SUMF1: variants seen among roughly 807,000 people sequenced by gnomAD.
SUMF1 encodes the protein formylglycine-generating enzyme.
SUMF1 carries 48 observed loss-of-function variants against 47.6 expected under a neutral mutation model. The ratio of observed to expected loss-of-function variants is 1.01; its 90% confidence interval spans 0.80 to 1.28. The LOEUF (loss-of-function observed/expected upper bound fraction) is 1.28, where lower values mean the gene tolerates loss of function less well. Among genes scored for constraint, SUMF1 ranks in the 50% most tolerant of loss-of-function variants. The pLI is 0.00. For missense variants in SUMF1, 571 were observed against 485.4 expected (o/e 1.18, Z -1.66); for synonymous variants, 230 against 192.1 (o/e 1.20, Z -1.63).
intron 8 of SUMF1, among the ~76,000 whole-genome samples, chr3:4,262,006 T>C (rs1697097080): frequency 6.6e-6 from 1 of 152,170 alleles, no homozygotes; most frequent in African/African-American, 2.4e-5. Flanking sequence ...ACCAAACGTA[T>C]AACAAGGTCT....
At chr3:4,335,650 A>AT (rs1699131642) in intron 8 of SUMF1, among the ~76,000 whole-genome samples, 1 of 152,080 alleles carries the variant, frequency 6.6e-6, no homozygotes, top group South Asian at 2.1e-4. Context: ...TAGAAATAAA[A>AT]ATAGCCCCAG....
chr3:4,219,174 G>A (rs1198011565), intron 8 of SUMF1, among the ~76,000 whole-genome samples: 2 of 152,164 alleles, frequency 1.3e-5, no homozygotes, highest in African/African-American at 2.4e-5. Flanking sequence ...TGGCAAAGAT[G>A]AAAAGAAGAG....
At position 4,227,202 on chromosome 3, in the gene SUMF1, C is replaced by T. The variant is rs183510686; in HGVS notation, c.1014+149128G>A. Among the ~76,000 whole-genome samples the T allele has an allele frequency of 4.7e-3, 709 of 152,224 alleles. 6 individuals carry two copies. Among genetic ancestry groups the T allele is most frequent in the African/African-American group, 0.016 (675 of 41,556 alleles). ...ACAACACATCCGTCTCCTTCCTTTT[C>T]ACACACTCTCATTTCCTTGACCATT... On this transcript the variant is annotated intron_variant and NMD_transcript_variant, in intron 8 of 12. Coordinates refer to the SUMF1 transcript ENST00000448413.
At chr3:4,064,798 C>G (rs907379170) in intron 9 of SUMF1, among the ~76,000 whole-genome samples, 5 of 152,116 alleles carry the variant, frequency 3.3e-5, no homozygotes, top group African/African-American at 1.2e-4. Context: ...CTCTGCAGTC[C>G]TGAGAAGGAG....
chr3:4,232,161 A>G (rs969367554), intron 8 of SUMF1, among the ~76,000 whole-genome samples: 1 of 152,124 alleles, frequency 6.6e-6, no homozygotes, highest in African/African-American at 2.4e-5. Flanking sequence ...GACTAATTTT[A>G]TCAAAAGCAA....
intron 8 of SUMF1, chr3:4,313,652 T>C: frequency 1.9e-6 from 3 of 1,614,092 alleles, no homozygotes; most frequent in South Asian, 2.2e-5. Context: ...GACAGTTCTC[T>C]GTACTGCCCC....
chr3:4,111,357 C>A (rs978298958), intron 8 of SUMF1, among the ~76,000 whole-genome samples: 1 of 151,990 alleles, frequency 6.6e-6, no homozygotes, highest in South Asian at 2.1e-4. Context: ...TAGTATAAAA[C>A]AGAATAAAAT....
intron 5 of SUMF1, 22 bp downstream of exon 5, chr3:4,417,988 C>G: frequency 6.2e-7 from 1 of 1,613,670 alleles, no homozygotes; most frequent in Non-Finnish European, 8.5e-7. Flanking sequence ...TATTGTCAGG[C>G]AAAATGAGAT....
Position 4,198,182 on chromosome 3 carries a change from T to C in SUMF1, c.1015-129437A>G, listed in dbSNP as rs182276647. On this transcript the variant is annotated intron_variant and NMD_transcript_variant, in intron 8 of 12. Coordinates refer to the SUMF1 transcript ENST00000448413. Reference sequence around the variant, plus strand: ...TCCTTACTCATTGGCAGTGAAGGTATAAACAAAGAGTGGAAATAAAACCAG... The same window carrying C: ...TCCTTACTCATTGGCAGTGAAGGTACAAACAAAGAGTGGAAATAAAACCAG... Among the ~76,000 whole-genome samples the C allele has an allele frequency of 2.6e-3, 393 of 152,214 alleles. 4 individuals are homozygous for C. Among genetic ancestry groups the C allele is most frequent in the Middle Eastern group, 0.017 (5 of 294 alleles).
intron 8 of SUMF1, among the ~76,000 whole-genome samples, chr3:4,321,483 A>AAG (rs1173520257): frequency 1.3e-5 from 2 of 150,372 alleles, no homozygotes; most frequent in Non-Finnish European, 3.0e-5. Flanking sequence ...AAAAAAAAAA[A>AAG]AAAAAAAAAA....
chr3:4,325,736 A>T (rs564976667), intron 8 of SUMF1, among the ~76,000 whole-genome samples: 2 of 152,328 alleles, frequency 1.3e-5, no homozygotes, highest in African/African-American at 4.8e-5. Flanking sequence ...ATTCCAACTC[A>T]GAAAAATGGG....
intron 7 of SUMF1, among the ~76,000 whole-genome samples, chr3:4,377,215 T>G (rs1700357024): frequency 6.6e-6 from 1 of 152,188 alleles, no homozygotes; most frequent in Non-Finnish European, 1.5e-5. Context: ...TATTAAGATA[T>G]AATTAATATA....
intron 8 of SUMF1, among the ~76,000 whole-genome samples, chr3:4,119,268 T>TC (rs772072603): frequency 6.6e-6 from 1 of 152,156 alleles, no homozygotes; most frequent in Admixed American, 6.5e-5. Flanking sequence ...ATCCAGTCCA[T>TC]CCTCTGCATT....
chr3:4,432,086 G>A (rs1700775005), intron 3 of SUMF1, among the ~76,000 whole-genome samples: 1 of 151,888 alleles, frequency 6.6e-6, no homozygotes, highest in South Asian at 2.1e-4. Flanking sequence ...AGATGGAATA[G>A]ATCAAGTTCT....
At chr3:4,114,619 C>G (rs1215095693) in intron 8 of SUMF1, among the ~76,000 whole-genome samples, 1 of 152,130 alleles carries the variant, frequency 6.6e-6, no homozygotes, top group Non-Finnish European at 1.5e-5. Flanking sequence ...GGTTAAACCA[C>G]TTTGTAAAGC....
chr3:4,246,270 C>A (rs950422135), intron 8 of SUMF1, among the ~76,000 whole-genome samples: 4 of 152,140 alleles, frequency 2.6e-5, no homozygotes, highest in African/African-American at 9.7e-5. Flanking sequence ...GCTGCACCCA[C>A]TGTCCAACCA....
At chr3:4,204,854 G>C (rs1454917420) in intron 8 of SUMF1, among the ~76,000 whole-genome samples, 2 of 151,080 alleles carry the variant, frequency 1.3e-5, no homozygotes, top group East Asian at 1.9e-4. Context: ...CAATTACTTT[G>C]TTAAGTTTAT....
intron 8 of SUMF1, among the ~76,000 whole-genome samples, chr3:4,159,686 C>G (rs1186776637): frequency 6.6e-6 from 1 of 152,054 alleles, no homozygotes; most frequent in Non-Finnish European, 1.5e-5. Context: ...ACATCCTTTT[C>G]TTAACCCTTT....
intron 8 of SUMF1, among the ~76,000 whole-genome samples, chr3:4,216,041 C>A (rs937969324): frequency 1.3e-5 from 2 of 151,972 alleles, no homozygotes; most frequent in Non-Finnish European, 2.9e-5. Flanking sequence ...AAAAAACTAC[C>A]TTAAACTTCA....
Sources: allele counts gnomAD v4.1 joint callset (sites outside exome capture counted in the v4.1 genomes callset), GRCh38; gene constraint gnomAD v4.1.1; transcripts MANE v1.5; gene names NCBI Gene and HGNC (gene_info 2026-07-23, HGNC 2026-07-21).